Variants in RASAL2 observed in about 807,000 individuals in gnomAD.
The protein encoded by RASAL2 is ras GTPase-activating protein nGAP.
A neutral mutation model predicts 128.9 loss-of-function variants in RASAL2; 58 were observed. The ratio of observed to expected loss-of-function variants is 0.45; its 90% CI spans 0.36 to 0.56. RASAL2 has a LOEUF of 0.56. RASAL2 is among the 20% of genes least tolerant of loss of function. The pLI is 0.00. For missense variants in RASAL2, 1,360 were observed against 1,601.6 expected, an observed-to-expected ratio of 0.85 and a Z score of 2.57; for synonymous variants, 561 against 580.8, an observed-to-expected ratio of 0.97 and a Z score of 0.49.
At position 178,199,252 on chromosome 1, in the gene RASAL2, C is replaced by T. The variant is rs770138333; in HGVS notation, c.203-84312C>T. Among the ~76,000 whole-genome samples, 110 of 152,350 alleles carry T rather than the reference C, an allele frequency of 7.2e-4. 2 individuals carry two copies. The highest frequency in any genetic ancestry group is 3.4e-3 in the Middle Eastern group (1 of 294). Reference sequence around the variant, plus strand: ...GAAAGGGAAATCCCTCGACACCTTGCGCTTCCCGGGTGAGGTGATGCCCCA... The same window carrying T: ...GAAAGGGAAATCCCTCGACACCTTGTGCTTCCCGGGTGAGGTGATGCCCCA... On this transcript the variant is annotated intron_variant, in intron 1 of 17. Coordinates refer to ENST00000367649, the MANE Select transcript of RASAL2 (RefSeq NM_170692.4).
At chr1:178,126,304 A>T (rs181793741) in intron 1 of RASAL2, among the ~76,000 whole-genome samples, 12 of 152,320 alleles carry the variant, frequency 7.9e-5, no homozygotes, top group African/African-American at 2.4e-4. Flanking sequence ...ACATGTAAAG[A>T]TATATAATGT....
chr1:178,110,148 C>CT (rs1325603104), intron 1 of RASAL2, among the ~76,000 whole-genome samples: 2 of 152,168 alleles, frequency 1.3e-5, no homozygotes, highest in African/African-American at 4.8e-5. Context: ...AAAATGAACA[C>CT]TTACTTTGTC....
intron 1 of RASAL2, among the ~76,000 whole-genome samples, chr1:178,239,482 A>G (rs1031128754): frequency 7.2e-5 from 11 of 152,090 alleles, no homozygotes; most frequent in African/African-American, 2.2e-4. Context: ...TATGCAATAA[A>G]TCACTCACAA....
At chr1:178,249,601 T>C (rs562002014) in intron 1 of RASAL2, among the ~76,000 whole-genome samples, 1 of 152,196 alleles carries the variant, frequency 6.6e-6, no homozygotes, top group East Asian at 1.9e-4. Context: ...GGAGTTGTGA[T>C]CATTTGGAGA....
intron 4 of RASAL2, among the ~76,000 whole-genome samples, chr1:178,397,369 G>A (rs748614472): frequency 2.6e-5 from 4 of 152,272 alleles, no homozygotes; most frequent in South Asian, 2.1e-4. Flanking sequence ...GAAAGAAGCC[G>A]TACCAAAGGC....
chr1:178,263,838 A>G (rs1665811391), intron 1 of RASAL2, among the ~76,000 whole-genome samples: 2 of 152,160 alleles, frequency 1.3e-5, no homozygotes, highest in African/African-American at 4.8e-5. Context: ...TACAGGCCAT[A>G]TGCCACCATG....
chr1:178,367,299 A>T (rs960428938), intron 3 of RASAL2, among the ~76,000 whole-genome samples: 13 of 151,994 alleles, frequency 8.6e-5, no homozygotes, highest in African/African-American at 2.2e-4. Context: ...CTTCTTCCTA[A>T]AACTTACCAC....
At chr1:178,221,951 A>G (rs756375584) in intron 1 of RASAL2, among the ~76,000 whole-genome samples, 2 of 152,172 alleles carry the variant, frequency 1.3e-5, no homozygotes, top group African/African-American at 2.4e-5. Flanking sequence ...TGTTAAGTGC[A>G]TACACATTAA....
intron 1 of RASAL2, among the ~76,000 whole-genome samples, chr1:178,148,376 A>G (rs1481693961): frequency 6.6e-6 from 1 of 152,150 alleles, no homozygotes; most frequent in Non-Finnish European, 1.5e-5. Context: ...GAATTTAAGC[A>G]CAGTAATTTT....
chr1:178,287,596 G>A (rs1667091036), intron 2 of RASAL2, among the ~76,000 whole-genome samples: 1 of 152,086 alleles, frequency 6.6e-6, no homozygotes, highest in Non-Finnish European at 1.5e-5. Flanking sequence ...CAGCCCAAAT[G>A]CCCATCAATC....
intron 2 of RASAL2, among the ~76,000 whole-genome samples, chr1:178,284,023 GC>G (rs760701776): frequency 4.6e-5 from 7 of 152,244 alleles, no homozygotes; most frequent in Non-Finnish European, 7.4e-5. Flanking sequence ...GTACTTCCTA[GC>G]AAAAACAAAT....
chr1:178,257,449 G>GTA (rs1665420501), intron 1 of RASAL2, among the ~76,000 whole-genome samples: 3 of 151,958 alleles, frequency 2.0e-5, no homozygotes, highest in Non-Finnish European at 4.4e-5. Flanking sequence ...GTGTGTGTGT[G>GTA]TGTGTGTAGA....
intron 1 of RASAL2, among the ~76,000 whole-genome samples, chr1:178,157,950 A>T (rs1008972117): frequency 6.6e-6 from 1 of 151,986 alleles, no homozygotes; most frequent in Non-Finnish European, 1.5e-5. Flanking sequence ...AATGACATTT[A>T]AAAAAAACAC....
At chr1:178,317,516 C>G (rs1668544303) in intron 3 of RASAL2, among the ~76,000 whole-genome samples, 1 of 150,594 alleles carries the variant, frequency 6.6e-6, no homozygotes, top group Admixed American at 6.6e-5. Flanking sequence ...CTGGTTTAGT[C>G]TTGGGAGAGT....
intron 4 of RASAL2, among the ~76,000 whole-genome samples, chr1:178,409,373 T>G (rs1212123983): frequency 6.6e-6 from 1 of 152,092 alleles, no homozygotes; most frequent in African/African-American, 2.4e-5. Flanking sequence ...TAGCTCTCTA[T>G]AAAGCACAGT....
intron 1 of RASAL2, among the ~76,000 whole-genome samples, chr1:178,108,632 G>A (rs1256543194): frequency 6.6e-6 from 1 of 152,156 alleles, no homozygotes; most frequent in African/African-American, 2.4e-5. Context: ...TCTCAAATCT[G>A]TGCTCTTAAT....
At chr1:178,374,165 T>C (rs1671871245) in intron 3 of RASAL2, among the ~76,000 whole-genome samples, 1 of 152,126 alleles carries the variant, frequency 6.6e-6, no homozygotes, top group Non-Finnish European at 1.5e-5. Flanking sequence ...AACAGGAATT[T>C]TACTGAGCTC....
chr1:178,229,422 T>C (rs1312930905), intron 1 of RASAL2, among the ~76,000 whole-genome samples: 1 of 152,154 alleles, frequency 6.6e-6, no homozygotes, highest in Non-Finnish European at 1.5e-5. Flanking sequence ...TCCATGATCT[T>C]TCTTTGTCCT....
At chr1:178,320,009 A>G (rs1298294976) in intron 3 of RASAL2, among the ~76,000 whole-genome samples, 1 of 151,324 alleles carries the variant, frequency 6.6e-6, no homozygotes, top group Non-Finnish European at 1.5e-5. Context: ...TTTTCCTTCT[A>G]ACAGACAGGA....
Sources: allele counts gnomAD v4.1 joint callset (sites outside exome capture counted in the v4.1 genomes callset), GRCh38; gene constraint gnomAD v4.1.1; transcripts MANE v1.5; gene names NCBI Gene and HGNC (gene_info 2026-07-23, HGNC 2026-07-21).